PDE6B: variants seen among roughly 807,000 people sequenced by gnomAD.
PDE6B encodes phosphodiesterase 6B, also known as rod cGMP-specific 3',5'-cyclic phosphodiesterase subunit beta.
A neutral mutation model predicts 109.0 loss-of-function variants in PDE6B; 106 were observed. The ratio of observed to expected loss-of-function variants is 0.97; its 90% CI spans 0.83 to 1.14. The LOEUF (loss-of-function observed/expected upper bound fraction) is 1.14. Ranked by LOEUF, PDE6B falls within the 50% of genes most tolerant of loss-of-function variation. The pLI is 0.00. For synonymous variants in PDE6B, 490 were observed against 471.3 expected (o/e 1.04, Z -0.51); for missense variants, 1,193 against 1,155.6 (o/e 1.03, Z -0.47).
chr4:654,283 G>T (rs1201032161), intron 5 of PDE6B, 129 bp downstream of exon 5: 11 of 815,132 alleles, frequency 1.3e-5, no homozygotes, highest in East Asian at 2.7e-5. Context: ...GGGACCCCGG[G>T]TGCCTGTCTG....
At chr4:627,110 C>T (rs940848284) in intron 1 of PDE6B, among the ~76,000 whole-genome samples, 5 of 151,584 alleles carry the variant, frequency 3.3e-5, no homozygotes, top group African/African-American at 1.2e-4. Flanking sequence ...CCTTCCCAGG[C>T]AGCTGGGGAG....
intron 8 of PDE6B, among the ~76,000 whole-genome samples, chr4:656,525 C>T (rs1323035148): frequency 1.3e-5 from 2 of 151,372 alleles, no homozygotes; most frequent in Non-Finnish European, 3.0e-5. Flanking sequence ...CCCACACACC[C>T]CTGCGAGGCC....
Position 643,918 on chromosome 4 carries a change from CT to C in PDE6B, c.711+7970del, listed in dbSNP as rs57739128. On this transcript the variant is annotated intron_variant, in intron 3 of 21. Transcript: ENST00000496514. ...TTTTTATTCTTATTTAGTTCAAAAT[CT>C]TTTTTTTTTTTTTTTTTTTTGAGGG... Among the ~76,000 whole-genome samples the C allele has an allele frequency of 7.8e-3, 835 of 107,706 alleles. 2 individuals carry two copies. Among genetic ancestry groups the C allele is most frequent in the Middle Eastern group, 0.016 (3 of 182 alleles). The allele number at this position is 107,706 out of a possible 152,430, so 70.7% of individuals were successfully genotyped here.
chr4:634,017 C>T (rs1249403131), intron 1 of PDE6B, among the ~76,000 whole-genome samples: 3 of 151,820 alleles, frequency 2.0e-5, no homozygotes, highest in Non-Finnish European at 4.4e-5. Context: ...GGTGGGTACC[C>T]CCTGGGAGCC....
intron 3 of PDE6B, among the ~76,000 whole-genome samples, chr4:645,319 G>A (rs544593888): frequency 1.1e-3 from 141 of 132,598 alleles, no homozygotes; most frequent in South Asian, 6.0e-3. Context: ...TTTTTGAGAC[G>A]GAGTCTCGCT....
intron 2 of PDE6B, 102 bp from the exon 3 acceptor site, chr4:635,778 C>T: frequency 1.4e-6 from 1 of 738,178 alleles, no homozygotes; most frequent in East Asian, 2.6e-5. Flanking sequence ...CCTGGCGTGT[C>T]TGGGCACCCT....
rs555727655 is a variant in PDE6B at position 666,229 on chromosome 4, C to T, written c.2269-302C>T. ...CACTGTGTACAGCCCATCCCCCTCCCCGCCTCTCCCCAGCTGCAGTAAGGG... is the reference window on the plus strand; with the variant it reads ...CACTGTGTACAGCCCATCCCCCTCCTCGCCTCTCCCCAGCTGCAGTAAGGG... On this transcript the variant is annotated intron_variant, in intron 19 of 21. Coordinates refer to ENST00000496514, the MANE Select transcript of PDE6B (RefSeq NM_000283.4). This position sits in a 1 kb window ranked among gnomAD's most constrained non-coding sequence, Gnocchi z 5.6. 2.6e-3 allele frequency among the ~76,000 whole-genome samples: 398 copies of T among 152,302 alleles called. No individual in the cohort carries two copies. Among genetic ancestry groups the T allele is most frequent in the Non-Finnish European group, 3.9e-3 (262 of 68,004 alleles).
At chr4:664,779 C>T (rs1737591104) in intron 17 of PDE6B, 102 bp from the exon 18 acceptor site, 2 of 924,656 alleles carry the variant, frequency 2.2e-6, no homozygotes, top group Middle Eastern at 2.4e-4. Flanking sequence ...GCACTCCAGC[C>T]TGGGCAACAG....
intron 3 of PDE6B, chr4:652,514 C>A: frequency 2.0e-6 from 2 of 984,342 alleles, no homozygotes; most frequent in Non-Finnish European, 1.2e-6. Flanking sequence ...CGCTGTGTGG[C>A]GGCCACCACT....
intron 3 of PDE6B, among the ~76,000 whole-genome samples, chr4:638,352 T>G (rs1443112720): frequency 6.6e-6 from 1 of 152,230 alleles, no homozygotes; most frequent in East Asian, 1.9e-4. Flanking sequence ...AGACAGGGTC[T>G]TACTCTTGTC....
chr4:659,652 ATG>A (rs1736819470), intron 11 of PDE6B, among the ~76,000 whole-genome samples: 1 of 149,038 alleles, frequency 6.7e-6, no homozygotes, highest in African/African-American at 2.5e-5. Flanking sequence ...GTGTGTGCAC[ATG>A]TGTGCCCACG....
chr4:657,832 TCGTC>T (rs1288000931), intron 10 of PDE6B, among the ~76,000 whole-genome samples: 2 of 118,866 alleles, frequency 1.7e-5, no homozygotes, highest in African/African-American at 3.4e-5. Context: ...CGGGGGCAGG[TCGTC>T]CAGGGGTCAC....
In PDE6B at chr4:665,540, G is replaced by A. The variant is rs1261579017; in HGVS notation, c.2268+211G>A. ...TGGGTGATGCTTATGCAGAGGTGAC[G>A]TCGTTGGCACTGGAGGAACCAGGGC... On this transcript the variant is annotated intron_variant, in intron 19 of 21. Coordinates refer to ENST00000496514, the MANE Select transcript of PDE6B (RefSeq NM_000283.4). The surrounding 1 kb of genome is among the most constrained non-coding windows in gnomAD (Gnocchi z 4.0). 1.3e-5 allele frequency among the ~76,000 whole-genome samples: 2 copies of A among 152,154 alleles called. No homozygotes were observed. The highest frequency in any genetic ancestry group is 2.4e-5 in the African/African-American group (1 of 41,428).
Position 663,321 on chromosome 4 carries a change from C to T in PDE6B, c.1920+134C>T, listed in dbSNP as rs1737349443. 4 of 692,906 alleles carry T rather than the reference C, an allele frequency of 5.8e-6. No homozygotes were observed. The highest frequency in any genetic ancestry group is 3.1e-5 in the South Asian group (2 of 65,570). The allele number at this position is 692,906 out of a possible 1,614,324, so 42.9% of individuals were successfully genotyped here. On this transcript the variant is annotated intron_variant, in intron 15 of 21. Coordinates refer to ENST00000496514, the MANE Select transcript of PDE6B (RefSeq NM_000283.4). This position sits in a 1 kb window ranked among gnomAD's most constrained non-coding sequence, Gnocchi z 4.0. Reference sequence around the variant, plus strand: ...TGGGTGTGTGAGCACTGGGGGAGGGCGGCAGAGAAGGCGGAGGGCCGAGGC... The same window carrying T: ...TGGGTGTGTGAGCACTGGGGGAGGGTGGCAGAGAAGGCGGAGGGCCGAGGC...
intron 11 of PDE6B, 57 bp from the exon 12 acceptor site, chr4:660,410 G>A: frequency 1.3e-6 from 2 of 1,573,916 alleles, no homozygotes; most frequent in Non-Finnish European, 1.7e-6. Flanking sequence ...GAAAGGATGA[G>A]AAGCAAGTGG....
In PDE6B at chr4:666,636, C is replaced by A; in HGVS notation, c.2352+22C>A. 1.3e-6 allele frequency: 2 copies of A among 1,539,536 alleles called. No homozygotes were observed. Among genetic ancestry groups the A allele is most frequent in the Non-Finnish European group, 1.8e-6 (2 of 1,112,412 alleles). ...CAAGGCGAGTGGTTCACGGGTGTTC[C>A]GAGCTGACTGGGGCAGGGTGGCTGG... On this transcript the variant is annotated intron_variant, in intron 20 of 21. Transcript: ENST00000496514. This position sits in a 1 kb window ranked among gnomAD's most constrained non-coding sequence, Gnocchi z 5.6.
intron 10 of PDE6B, among the ~76,000 whole-genome samples, chr4:658,631 G>A (rs954364241): frequency 3.3e-5 from 5 of 152,098 alleles, no homozygotes; most frequent in South Asian, 2.1e-4. Flanking sequence ...CTGTCTGCAC[G>A]GCCCTGGCAT....
At chr4:646,003 C>G (rs1366253893) in intron 3 of PDE6B, among the ~76,000 whole-genome samples, 1 of 151,990 alleles carries the variant, frequency 6.6e-6, no homozygotes, top group Non-Finnish European at 1.5e-5. Context: ...TTACTTTGAA[C>G]AAATAGCTAT....
Position 656,004 on chromosome 4 carries a change from T to A in PDE6B, c.1057T>A (p.Phe353Ile). The stretch of plus-strand genomic sequence containing the variant: ...TCCAAGCTACGTGGCAGAAAGCGGC[T>A]TTGTGAGTCCCGTGCTGTCTGGAGT... Reference protein sequence around the residue: ...GLPSYVAESGFICNIMNASAD... With the variant: ...GLPSYVAESGIICNIMNASAD... Residue 353 changes from phenylalanine (F) to isoleucine (I), a missense_variant and splice_region_variant, in exon 7 of 22, where the codon TTT becomes ATT. Transcript: ENST00000496514. 1 of 1,591,694 alleles carries A rather than the reference T, an allele frequency of 6.3e-7. No homozygotes were observed. The highest frequency in any genetic ancestry group is 1.3e-5 in the African/African-American group (1 of 74,624).
Sources: allele counts gnomAD v4.1 joint callset (sites outside exome capture counted in the v4.1 genomes callset), GRCh38; gene constraint gnomAD v4.1.1; non-coding constraint Gnocchi (gnomAD v3.1); transcripts MANE v1.5; gene names NCBI Gene and HGNC (gene_info 2026-07-23, HGNC 2026-07-21).